MYO3A: variants seen among roughly 807,000 people sequenced by gnomAD.
MYO3A encodes myosin IIIA.
A neutral mutation model predicts 192.7 loss-of-function variants in MYO3A; 180 were observed. The observed-to-expected ratio is 0.93, with a 90% CI of 0.83 to 1.06. MYO3A has a LOEUF of 1.06. Among genes scored for constraint, MYO3A ranks in the 50% least tolerant of loss-of-function variants. MYO3A has a pLI of 0.00. For missense variants in MYO3A, 1,896 were observed against 1,905.0 expected, an observed-to-expected ratio of 1.00 and a Z score of 0.09; for synonymous variants, 628 against 645.3, an observed-to-expected ratio of 0.97 and a Z score of 0.41.
chr10:26,170,280 T>C (rs1841978427), intron 28 of MYO3A, 136 bp from the exon 29 acceptor site: 2 of 921,842 alleles, frequency 2.2e-6, no homozygotes, highest in Admixed American at 2.6e-5. Flanking sequence ...CATTTTTAAG[T>C]GAACCTGTTC....
chr10:25,970,582 T>C (rs1291924158), intron 4 of MYO3A, among the ~76,000 whole-genome samples: 1 of 150,896 alleles, frequency 6.6e-6, no homozygotes, highest in Non-Finnish European at 1.5e-5. Flanking sequence ...AAAGAAGTAA[T>C]AAAGATAATA....
At chr10:26,047,277 C>T (rs1843683277) in intron 10 of MYO3A, among the ~76,000 whole-genome samples, 1 of 151,874 alleles carries the variant, frequency 6.6e-6, no homozygotes, top group African/African-American at 2.4e-5. Context: ...CTGAAAAATT[C>T]TGAGTATACA....
At chr10:26,033,964 G>T (rs1842916405) in intron 10 of MYO3A, among the ~76,000 whole-genome samples, 1 of 152,166 alleles carries the variant, frequency 6.6e-6, no homozygotes, top group Non-Finnish European at 1.5e-5. Flanking sequence ...GTTTGGAGAG[G>T]TATACAGAGA....
chr10:26,152,903 A>G (rs759872160), intron 23 of MYO3A, among the ~76,000 whole-genome samples: 4 of 152,180 alleles, frequency 2.6e-5, no homozygotes, highest in Admixed American at 2.6e-4. Context: ...TCCCATCATG[A>G]TTCCTTCCTG....
intron 4 of MYO3A, among the ~76,000 whole-genome samples, chr10:25,982,570 G>A (rs772894332): frequency 3.3e-5 from 5 of 152,162 alleles, no homozygotes; most frequent in Admixed American, 6.5e-5. Flanking sequence ...ACCTCCACCA[G>A]TGCAGGTATC....
intron 4 of MYO3A, among the ~76,000 whole-genome samples, chr10:25,971,618 A>G (rs1838649233): frequency 6.6e-6 from 1 of 152,130 alleles, no homozygotes; most frequent in South Asian, 2.1e-4. Context: ...GCTGAGTATG[A>G]TAGTCTTAGT....
Position 25,963,325 on chromosome 10 carries a change from C to T in MYO3A, c.303+8317C>T, listed in dbSNP as rs1213963502. ...AGACATAAATACTACTTTCATGTGT[C>T]ATGCATTATTGGTTGTTCTGTTTTT... is the stretch of plus-strand genomic sequence containing the variant. On this transcript the variant is annotated intron_variant, in intron 4 of 34. Coordinates refer to ENST00000642920, the MANE Select transcript of MYO3A (RefSeq NM_017433.5). Among the ~76,000 whole-genome samples, 3 of 152,134 alleles carry T rather than the reference C, an allele frequency of 2.0e-5. No homozygotes were observed. In the East Asian group the frequency reaches 5.8e-4, roughly 29 times the overall value.
At chr10:26,154,959 T>A in intron 25 of MYO3A, 136 bp downstream of exon 25, 3 of 766,958 alleles carry the variant, frequency 3.9e-6, no homozygotes, top group Non-Finnish European at 4.4e-6. Context: ...CAGGATATGT[T>A]AGCATCTACC....
chr10:26,015,183 TC>T (rs61344922), intron 6 of MYO3A, among the ~76,000 whole-genome samples: 2,743 of 152,288 alleles, frequency 0.018, 94 homozygotes, highest in African/African-American at 0.062. Context: ...TATTGCTCTT[TC>T]TATTAGCCTG....
intron 10 of MYO3A, among the ~76,000 whole-genome samples, chr10:26,061,128 A>C (rs922237962): frequency 6.6e-6 from 1 of 151,916 alleles, no homozygotes; most frequent in African/African-American, 2.4e-5. Context: ...ACGGGGTTTC[A>C]CCGTGTTAGC....
intron 4 of MYO3A, among the ~76,000 whole-genome samples, chr10:25,971,488 C>T (rs887808683): frequency 1.5e-5 from 2 of 130,362 alleles, no homozygotes; most frequent in Non-Finnish European, 3.4e-5. Context: ...AGATCACTTA[C>T]TTTCATTCTA....
Position 26,078,725 on chromosome 10 carries a change from G to A in MYO3A, c.1359+8324G>A, listed in dbSNP as rs532658571. ...AGGTTGTGTCATTGTTGTTCAGTTC[G>A]AAGAATTTTTTAATTTCCCTCTTGA... On this transcript the variant is annotated intron_variant, in intron 14 of 34. Coordinates refer to ENST00000642920, the MANE Select transcript of MYO3A (RefSeq NM_017433.5). 2.0e-5 allele frequency among the ~76,000 whole-genome samples: 3 copies of A among 151,974 alleles called. No homozygotes were observed. The South Asian group carries it at 6.2e-4, about 32-fold the overall frequency.
intron 7 of MYO3A, among the ~76,000 whole-genome samples, chr10:26,020,682 T>G (rs1842255509): frequency 6.6e-6 from 1 of 152,258 alleles, no homozygotes; most frequent in African/African-American, 2.4e-5. Context: ...TTGAATTTCC[T>G]TTTTGTGTTT....
chr10:26,133,778 T>G (rs1471774106), intron 20 of MYO3A, among the ~76,000 whole-genome samples: 2 of 152,130 alleles, frequency 1.3e-5, no homozygotes, highest in African/African-American at 2.4e-5. Flanking sequence ...GAAGTTTTGA[T>G]AAAAAGTAAT....
At chr10:26,194,611 G>T (rs1843315771) in intron 32 of MYO3A, among the ~76,000 whole-genome samples, 1 of 152,168 alleles carries the variant, frequency 6.6e-6, no homozygotes, top group South Asian at 2.1e-4. Context: ...AGAAAATGAA[G>T]CTCACACTTG....
chr10:26,187,236 T>C (rs780955103), intron 31 of MYO3A, among the ~76,000 whole-genome samples: 1 of 151,250 alleles, frequency 6.6e-6, no homozygotes, highest in Non-Finnish European at 1.5e-5. Flanking sequence ...AGTTCCACTA[T>C]TTAAAAAAAA....
intron 6 of MYO3A, among the ~76,000 whole-genome samples, chr10:26,010,156 G>A (rs1841532023): frequency 6.6e-6 from 1 of 152,134 alleles, no homozygotes; most frequent in Non-Finnish European, 1.5e-5. Context: ...TTTATTATCA[G>A]ATATGAACTA....
chr10:26,114,586 TA>T (rs5783962), intron 17 of MYO3A, among the ~76,000 whole-genome samples: 45,443 of 152,016 alleles, frequency 0.3, 7,210 homozygotes, highest in Middle Eastern at 0.44. Flanking sequence ...TTTAGATTTA[TA>T]AAAAAATTCT....
intron 29 of MYO3A, among the ~76,000 whole-genome samples, chr10:26,171,421 T>A (rs1456240054): frequency 6.6e-6 from 1 of 152,178 alleles, no homozygotes; most frequent in African/African-American, 2.4e-5. Context: ...CACCCACCGC[T>A]ATTCTCTCCT....
Sources: gnomAD v4.1 joint callset for allele counts (sites outside exome capture counted in the v4.1 genomes callset) on GRCh38, gnomAD v4.1.1 for gene constraint, MANE v1.5 for transcripts, NCBI Gene and HGNC (gene_info 2026-07-23, HGNC 2026-07-21) for gene names.